TNFRSF13B: variants seen among roughly 807,000 people sequenced by gnomAD.
TNFRSF13B encodes TNF receptor superfamily member 13B, also known as tumor necrosis factor receptor superfamily member 13B.
TNFRSF13B carries 34 observed loss-of-function variants against 24.0 expected under a neutral mutation model. The ratio of observed to expected loss-of-function variants is 1.41; its 90% confidence interval spans 1.08 to 1.88. The LOEUF is 1.88. Ranked by LOEUF, TNFRSF13B falls within the 40% of genes most tolerant of loss-of-function variation. The probability of loss-of-function intolerance (pLI) is 0.00; values close to 1 mark genes in which losing one functional copy is unlikely to be tolerated. For synonymous variants in TNFRSF13B, 173 were observed against 150.3 expected, an observed-to-expected ratio of 1.15 and a Z score of -1.10; for missense variants, 415 against 380.8, an observed-to-expected ratio of 1.09 and a Z score of -0.75.
chr17:16,951,557 G>A (rs533469216), intron 2 of TNFRSF13B, among the ~76,000 whole-genome samples: 1 of 152,234 alleles, frequency 6.6e-6, no homozygotes, highest in Non-Finnish European at 1.5e-5. Context: ...TCCAGTATCT[G>A]CAGGTAAAAT....
chr17:16,966,149 G>A (rs1382803374), intron 1 of TNFRSF13B, among the ~76,000 whole-genome samples: 1 of 151,828 alleles, frequency 6.6e-6, no homozygotes, highest in Admixed American at 6.6e-5. Context: ...AGCTACTCAG[G>A]AGGCTGAGGC....
At chr17:16,960,568 A>G (rs1394391891) in intron 1 of TNFRSF13B, among the ~76,000 whole-genome samples, 1 of 152,238 alleles carries the variant, frequency 6.6e-6, no homozygotes, top group Non-Finnish European at 1.5e-5. Context: ...CACATGCAAG[A>G]GAATGAAATT....
intron 2 of TNFRSF13B, 51 bp downstream of exon 2, chr17:16,952,395 A>G (rs1567653246): frequency 6.2e-7 from 1 of 1,612,634 alleles, no homozygotes; most frequent in African/African-American, 1.3e-5. Flanking sequence ...CTCTAGGGAG[A>G]AAGGAGGAGG....
chr17:16,966,501 G>A (rs1391288310), intron 1 of TNFRSF13B, among the ~76,000 whole-genome samples: 1 of 152,198 alleles, frequency 6.6e-6, no homozygotes, highest in Non-Finnish European at 1.5e-5. Context: ...ATTCAAAAGA[G>A]ACAGGCAAAT....
intron 1 of TNFRSF13B, among the ~76,000 whole-genome samples, chr17:16,968,159 A>AAAAG (rs1555550494): frequency 3.1e-4 from 46 of 150,522 alleles, no homozygotes; most frequent in Middle Eastern, 3.4e-3. Context: ...AAAAAAAAGA[A>AAAAG]AAAAGAAAGG....
intron 1 of TNFRSF13B, among the ~76,000 whole-genome samples, chr17:16,963,425 C>T (rs1008187547): frequency 1.3e-5 from 2 of 152,180 alleles, no homozygotes; most frequent in African/African-American, 4.8e-5. Flanking sequence ...GATGGGTGGG[C>T]TCCTCATTCT....
chr17:16,946,744 G>C (rs1294447187), intron 3 of TNFRSF13B, among the ~76,000 whole-genome samples: 1 of 151,766 alleles, frequency 6.6e-6, no homozygotes, highest in Non-Finnish European at 1.5e-5. Context: ...TGCACCACCA[G>C]ATCCAGCTAA....
At chr17:16,955,968 A>G (rs1029360255) in intron 1 of TNFRSF13B, among the ~76,000 whole-genome samples, 3 of 152,254 alleles carry the variant, frequency 2.0e-5, no homozygotes, top group Admixed American at 2.0e-4. Context: ...CTGATTGCTG[A>G]TGGCTACCTG....
chr17:16,949,754 C>T (rs575818088), intron 2 of TNFRSF13B, among the ~76,000 whole-genome samples: 25 of 151,042 alleles, frequency 1.7e-4, no homozygotes, highest in African/African-American at 5.3e-4. Context: ...GGCACGATCT[C>T]GGCTCACTGC....
chr17:16,967,601 A>T (rs1411317545), intron 1 of TNFRSF13B, among the ~76,000 whole-genome samples: 1 of 151,532 alleles, frequency 6.6e-6, no homozygotes, highest in Admixed American at 6.6e-5. Context: ...ATAAAAAAAA[A>T]ATTAGCCGGG....
intron 2 of TNFRSF13B, among the ~76,000 whole-genome samples, chr17:16,950,578 C>A (rs967301722): frequency 6.6e-6 from 1 of 152,316 alleles, no homozygotes; most frequent in Admixed American, 6.5e-5. Context: ...CAGGGCGCCC[C>A]TGAACCGCAC....
At position 16,952,538 on chromosome 17, in the gene TNFRSF13B, TCGG is replaced by T. The variant is rs752738448; in HGVS notation, c.104_106del (p.Pro35_Glu36delinsGln). ...CAGCAGAGGATCCCAGTACTGCTCTTCGGGGCAGGATCTCATAGCCACCCCCGT... is the reference window on the plus strand; with the variant it reads ...CAGCAGAGGATCCCAGTACTGCTCTTGGCAGGATCTCATAGCCACCCCCGT... On this transcript the variant is annotated inframe_deletion, in exon 2 of 5. Coordinates refer to ENST00000261652, the MANE Select transcript of TNFRSF13B (RefSeq NM_012452.3). 1 of 1,614,202 alleles carries T rather than the reference TCGG, an allele frequency of 6.2e-7. No individual in the cohort carries two copies. Among genetic ancestry groups the T allele is most frequent in the Non-Finnish European group, 8.5e-7 (1 of 1,180,022 alleles).
intron 3 of TNFRSF13B, among the ~76,000 whole-genome samples, chr17:16,945,097 A>AG (rs2087538028): frequency 6.6e-6 from 1 of 152,222 alleles, no homozygotes; most frequent in Non-Finnish European, 1.5e-5. Flanking sequence ...AGGGCAGGGT[A>AG]GGGCAGTGCA....
At position 16,939,119 on chromosome 17, in the gene TNFRSF13B, G is replaced by A. The variant is rs1389985547; in HGVS notation, c.*428C>T. The A allele has an allele frequency of 6.1e-6, 1 of 163,164 alleles. No homozygotes were observed. The highest frequency in any genetic ancestry group is 2.4e-5 in the African/African-American group (1 of 41,700). 10.1% of individuals were successfully genotyped at this position (163,164 alleles called of 1,614,324 possible). A position where few individuals can be genotyped will look rare whatever the true frequency, so the allele number is the denominator to read the frequency against. Reference sequence around the variant, plus strand: ...CAGCTGCCAAAGGTTTTATTCTCCAGGAGGAGGGGCTCTCGGGGGCTGTGA... The same window carrying A: ...CAGCTGCCAAAGGTTTTATTCTCCAAGAGGAGGGGCTCTCGGGGGCTGTGA... On this transcript the variant is annotated 3_prime_UTR_variant, in exon 5 of 5. Transcript: ENST00000261652.
chr17:16,950,133 G>T (rs1298802515), intron 2 of TNFRSF13B, among the ~76,000 whole-genome samples: 2 of 152,140 alleles, frequency 1.3e-5, no homozygotes, highest in Admixed American at 1.3e-4. Context: ...TAAAATATAT[G>T]TGGCTCACAC....
At chr17:16,950,016 T>C (rs962394092) in intron 2 of TNFRSF13B, among the ~76,000 whole-genome samples, 1 of 152,092 alleles carries the variant, frequency 6.6e-6, no homozygotes, top group African/African-American at 2.4e-5. Flanking sequence ...TACATGGAAG[T>C]TTTTACGTGA....
At chr17:16,960,577 T>C (rs985848986) in intron 1 of TNFRSF13B, among the ~76,000 whole-genome samples, 1 of 152,192 alleles carries the variant, frequency 6.6e-6, no homozygotes, top group Non-Finnish European at 1.5e-5. Flanking sequence ...GAGAATGAAA[T>C]TGAATGCTTA....
chr17:16,954,902 C>T (rs1033224116), intron 1 of TNFRSF13B, among the ~76,000 whole-genome samples: 1 of 152,218 alleles, frequency 6.6e-6, no homozygotes, highest in African/African-American at 2.4e-5. Context: ...AATCTTCCTC[C>T]TGGACAGCCA....
chr17:16,948,044 A>T (rs548121757), intron 3 of TNFRSF13B, among the ~76,000 whole-genome samples: 2 of 152,236 alleles, frequency 1.3e-5, no homozygotes, highest in East Asian at 3.8e-4. Flanking sequence ...TTGCAGCAAC[A>T]TGGATGCAAC....
Sources: allele counts gnomAD v4.1 joint callset (sites outside exome capture counted in the v4.1 genomes callset), GRCh38; gene constraint gnomAD v4.1.1; transcripts MANE v1.5; gene names NCBI Gene and HGNC (gene_info 2026-07-23, HGNC 2026-07-21).